MAEL: variants seen among roughly 807,000 people sequenced by gnomAD.
MAEL encodes the protein maelstrom spermatogenic transposon silencer, also known as protein maelstrom homolog.
MAEL carries 46 observed loss-of-function variants against 62.0 expected under a neutral mutation model. The observed-to-expected ratio is 0.74, with a 90% CI of 0.59 to 0.95. The LOEUF is 0.95. Among genes scored for constraint, MAEL ranks in the 40% least tolerant of loss-of-function variants. MAEL has a pLI of 0.00. For missense variants in MAEL, 497 were observed against 526.8 expected (o/e 0.94, Z 0.55); for synonymous variants, 172 against 175.5 (o/e 0.98, Z 0.16).
upstream of MAEL, among the ~76,000 whole-genome samples, chr1:166,985,477 A>G (rs1006542729): frequency 3.3e-5 from 5 of 152,264 alleles, no homozygotes; most frequent in African/African-American, 1.2e-4. Context: ...ACATAGGACT[A>G]GAAATAGTTT....
chr1:166,977,088 T>A (rs1033044993), intron 1 of MAEL, among the ~76,000 whole-genome samples: 5 of 152,212 alleles, frequency 3.3e-5, no homozygotes, highest in Non-Finnish European at 5.9e-5. Flanking sequence ...CATGATCAGC[T>A]GTGGCAGAGG....
intron 4 of MAEL, 68 bp downstream of exon 4, chr1:166,992,909 T>A: frequency 7.9e-7 from 1 of 1,270,334 alleles, no homozygotes; most frequent in South Asian, 1.7e-5. Flanking sequence ...TTGACTTTAT[T>A]TGATAATAGT....
rs751586017 is a variant in MAEL, at chr1:167,021,752, C to T, written c.1202C>T (p.Ser401Phe). The change falls in exon 12 of 12, where the codon TCC (serine) becomes TTC (phenylalanine). Residue 401 changes from serine to phenylalanine, a missense_variant. Transcript: ENST00000367872. ...RGITRLLESISNSSSNIHKFS... is the reference protein window; with the variant it reads ...RGITRLLESIFNSSSNIHKFS... ...ATTACCCGCTTACTAGAGAGCATTT[C>T]CAATTCTTCCAGCAATATCCACAAA... 6.2e-7 allele frequency: 1 copy of T among 1,613,494 alleles called. No individual in the cohort carries two copies. Among genetic ancestry groups the T allele is most frequent in the Non-Finnish European group, 8.5e-7 (1 of 1,179,670 alleles).
chr1:166,992,620 G>C, intron 3 of MAEL, 66 bp from the exon 4 acceptor site: 2 of 1,203,040 alleles, frequency 1.7e-6, no homozygotes. Context: ...CAACTAAAGA[G>C]GCTTTTGTGG....
At chr1:166,987,297 A>G (rs1207039427), upstream of MAEL, among the ~76,000 whole-genome samples, 4 of 152,144 alleles carry the variant, frequency 2.6e-5, no homozygotes, top group Non-Finnish European at 5.9e-5. Flanking sequence ...GTATACTTTT[A>G]TGTATGCCTT....
At chr1:167,018,268 A>G (rs1030485788) in intron 10 of MAEL, among the ~76,000 whole-genome samples, 2 of 152,208 alleles carry the variant, frequency 1.3e-5, no homozygotes, top group Non-Finnish European at 2.9e-5. Flanking sequence ...TAAGTAATAT[A>G]AATATTCTAA....
In MAEL at chr1:167,021,845, C is replaced by G; in HGVS notation, c.1295C>G (p.Ser432Cys). The change falls in exon 12 of 12, where the codon TCC (serine) becomes TGC (cysteine). Residue 432 changes from serine (S) to cysteine (C), a missense_variant. Physicochemically the swap from Ser to Cys is moderately radical, Grantham distance 112. Transcript: ENST00000367872. Reference sequence around the variant, plus strand: ...AAAGATGGATACAAATCTTTCTCTTCCTTATCTTAATGATGGTACTCTTTT... The same window carrying G: ...AAAGATGGATACAAATCTTTCTCTTGCTTATCTTAATGATGGTACTCTTTT... ...SQKDGYKSFS[S>C]LS is the part of the protein sequence containing the mutation. The G allele has an allele frequency of 6.2e-7, 1 of 1,604,522 alleles. No individual in the cohort carries two copies. The highest frequency in any genetic ancestry group is 8.5e-7 in the Non-Finnish European group (1 of 1,173,914).
chr1:166,989,651 T>C, intron 1 of MAEL, 86 bp from the exon 2 acceptor site: 4 of 1,473,844 alleles, frequency 2.7e-6, no homozygotes, highest in Non-Finnish European at 3.7e-6. Context: ...ACCACCTCCC[T>C]GTAATGCCCC....
intron 1 of MAEL, among the ~76,000 whole-genome samples, chr1:166,976,444 A>G (rs537197679): frequency 2.0e-5 from 3 of 152,234 alleles, no homozygotes; most frequent in Non-Finnish European, 4.4e-5. Flanking sequence ...CATTAAAGAC[A>G]TGATACTTAT....
chr1:166,979,947 GAAATAAATGAGTAACAA>G (rs1663708360), intron 1 of MAEL, among the ~76,000 whole-genome samples: 2 of 152,158 alleles, frequency 1.3e-5, no homozygotes, highest in South Asian at 4.1e-4. Context: ...AGGGACAAAG[GAAATAAATGAGTAACAA>G]TGGTTATCTC....
At chr1:166,995,729 A>G (rs894801616) in intron 5 of MAEL, among the ~76,000 whole-genome samples, 3 of 152,078 alleles carry the variant, frequency 2.0e-5, no homozygotes, top group African/African-American at 4.8e-5. Flanking sequence ...TTAATTTTCA[A>G]GTTTTACTTA....
chr1:166,989,425 C>T lies in MAEL; in HGVS notation c.73C>T (p.Arg25Ter). Residue 25 changes from arginine (R) to a stop codon, truncating the protein, a stop_gained, in exon 1 of 12, where the codon CGA becomes TGA. Coordinates refer to ENST00000367872, the MANE Select transcript of MAEL (RefSeq NM_032858.3). LOFTEE classifies it high-confidence loss of function. ...VQEKIPELRRRGLPVARVADA... is the reference protein window; with the variant it reads ...VQEKIPELRR ...GGAGAAGATCCCCGAACTACGGCGACGAGGCCTGCCTGTGGCTCGCGTTGC... is the reference window on the plus strand; with the variant it reads ...GGAGAAGATCCCCGAACTACGGCGATGAGGCCTGCCTGTGGCTCGCGTTGC... 6.2e-7 allele frequency: 1 copy of T among 1,601,022 alleles called. No individual in the cohort carries two copies. Among genetic ancestry groups the T allele is most frequent in the East Asian group, 2.2e-5 (1 of 44,458 alleles).
rs1665458683 is a variant in MAEL, at chr1:167,017,833, C to T, written c.915C>T (p.Cys305=). The part of the protein sequence containing the change: ...ALAVCKKIAY[C]ISNSLATLFG... ...ATTTTTATTTCTTTTAAAGGTACTG[C>T]ATCAGTAATTCTCTGGCCACTCTCT... is the stretch of plus-strand genomic sequence containing the variant. The change falls in exon 10 of 12, where the codon TGC becomes TGT. Residue 305 remains cysteine (C), a synonymous_variant. Transcript: ENST00000367872. 1.9e-6 allele frequency: 3 copies of T among 1,610,084 alleles called. No individual in the cohort carries two copies. Among genetic ancestry groups the T allele is most frequent in the Non-Finnish European group, 2.5e-6 (3 of 1,177,744 alleles).
chr1:167,018,802 A>G (rs1665500864), intron 10 of MAEL, among the ~76,000 whole-genome samples: 1 of 152,114 alleles, frequency 6.6e-6, no homozygotes, highest in East Asian at 1.9e-4. Context: ...TTTTTTGAAG[A>G]CTAAACTATA....
chr1:166,982,446 A>T (rs1039267687), intron 1 of MAEL, among the ~76,000 whole-genome samples: 2 of 152,164 alleles, frequency 1.3e-5, no homozygotes, highest in East Asian at 1.9e-4. Flanking sequence ...TGGAGTGTTT[A>T]GCAGAAAGCT....
intron 9 of MAEL, 76 bp from the exon 10 acceptor site, chr1:167,017,751 T>TA: frequency 7.1e-7 from 1 of 1,399,622 alleles, no homozygotes; most frequent in South Asian, 1.5e-5. Flanking sequence ...TTCTTTTTGT[T>TA]AGAGATTTTA....
chr1:166,996,473 A>G (rs1343614538), intron 5 of MAEL, among the ~76,000 whole-genome samples: 1 of 152,234 alleles, frequency 6.6e-6, no homozygotes, highest in East Asian at 1.9e-4. Flanking sequence ...AGCTTCCTAT[A>G]CAAAAGGTCC....
At chr1:167,000,870 C>A (rs772188840) in intron 5 of MAEL, among the ~76,000 whole-genome samples, 2 of 152,152 alleles carry the variant, frequency 1.3e-5, no homozygotes, top group African/African-American at 4.8e-5. Context: ...AGTAGAACTA[C>A]CATTTGAAAA....
intron 8 of MAEL, among the ~76,000 whole-genome samples, chr1:167,008,625 G>T (rs1248561500): frequency 6.6e-6 from 1 of 151,500 alleles, no homozygotes; most frequent in Non-Finnish European, 1.5e-5. Flanking sequence ...GTATGTTGTT[G>T]TTCTTTTTCT....
Sources: gnomAD v4.1 joint callset for allele counts (sites outside exome capture counted in the v4.1 genomes callset) on GRCh38, gnomAD v4.1.1 for gene constraint, MANE v1.5 for transcripts, NCBI Gene and HGNC (gene_info 2026-07-23, HGNC 2026-07-21) for gene names.